Variants in CNOT1 observed in about 807,000 individuals in gnomAD.
CNOT1 encodes the protein CCR4-NOT transcription complex subunit 1, also known as CCR4-associated factor 1.
CNOT1 carries 15 observed loss-of-function variants against 273.8 expected under a neutral mutation model. The ratio of observed to expected loss-of-function variants is 0.05; its 90% CI spans 0.04 to 0.08. The LOEUF (loss-of-function observed/expected upper bound fraction) is 0.08, where lower values mean the gene tolerates loss of function less well. CNOT1 is among the 10% of genes least tolerant of loss of function. The pLI is 1.00. For synonymous variants in CNOT1, 1,022 were observed against 1,005.5 expected (o/e 1.02, Z -0.31); for missense variants, 1,644 against 2,912.2 (o/e 0.56, Z 10.02).
rs762660744 is a variant in CNOT1 at position 58,530,298 on chromosome 16, G to A, written c.6227C>T (p.Ala2076Val). The A allele has an allele frequency of 1.9e-6, 3 of 1,611,944 alleles. No individual in the cohort carries two copies. The highest frequency in any genetic ancestry group is 1.7e-5 in the Admixed American group (1 of 59,998). ...QLLIDLFKYL[A>V]PFLRNVELTK... Reference sequence around the variant, plus strand: ...GAGTTCCACATTTCTAAGGAAAGGCGCTAAATATTTGAATAAATCAATCAG... The same window carrying A: ...GAGTTCCACATTTCTAAGGAAAGGCACTAAATATTTGAATAAATCAATCAG... The change falls in exon 43 of 49, where the codon GCG becomes GTG. Residue 2076 changes from alanine to valine, a missense_variant. By Grantham distance (64) the Ala-to-Val change is moderately conservative. Coordinates refer to ENST00000317147, the MANE Select transcript of CNOT1 (RefSeq NM_016284.5).
intron 39 of CNOT1, among the ~76,000 whole-genome samples, chr16:58,536,303 G>A (rs559401102): frequency 9.9e-5 from 15 of 152,250 alleles, no homozygotes; most frequent in Non-Finnish European, 1.2e-4. Context: ...TTATAAATTA[G>A]GACACATGGA....
chr16:58,574,896 T>C, intron 15 of CNOT1, 111 bp downstream of exon 15: 7 of 1,558,348 alleles, frequency 4.5e-6, no homozygotes, highest in Non-Finnish European at 6.0e-6. Flanking sequence ...GTTGTTTCTT[T>C]CAAATTTTTC....
At chr16:58,544,353 A>G (rs565019296) in intron 30 of CNOT1, among the ~76,000 whole-genome samples, 1 of 152,212 alleles carries the variant, frequency 6.6e-6, no homozygotes, top group Non-Finnish European at 1.5e-5. Flanking sequence ...TGCCCACTGA[A>G]GTATTTGGCT....
intron 1 of CNOT1, among the ~76,000 whole-genome samples, chr16:58,604,029 G>A (rs982220717): frequency 3.9e-5 from 6 of 151,996 alleles, no homozygotes; most frequent in Non-Finnish European, 8.8e-5. Context: ...TTGAAGCTTA[G>A]GATTTTGTAA....
At chr16:58,621,762 A>AT (rs2043326756) in intron 1 of CNOT1, among the ~76,000 whole-genome samples, 1 of 143,684 alleles carries the variant, frequency 7.0e-6, no homozygotes, top group Non-Finnish European at 1.5e-5. Context: ...ACCAAAAAAT[A>AT]CAAAAAACAA....
chr16:58,622,014 A>G (rs1427651325), intron 1 of CNOT1, among the ~76,000 whole-genome samples: 1 of 150,008 alleles, frequency 6.7e-6, no homozygotes, highest in Non-Finnish European at 1.5e-5. Flanking sequence ...AGATTCATCA[A>G]TTGTAAGAAA....
intron 1 of CNOT1, among the ~76,000 whole-genome samples, chr16:58,627,243 T>C (rs1003428359): frequency 5.3e-5 from 8 of 151,410 alleles, no homozygotes; most frequent in African/African-American, 1.9e-4. Context: ...CCTGTCTCTA[T>C]TAAAATACAA....
At chr16:58,562,360 C>A (rs914587981) in intron 16 of CNOT1, among the ~76,000 whole-genome samples, 1 of 151,612 alleles carries the variant, frequency 6.6e-6, no homozygotes, top group Admixed American at 6.6e-5. Context: ...AAAAATTAGC[C>A]AGGTGTGGTG....
chr16:58,577,828 A>G (rs2041511903), intron 13 of CNOT1, among the ~76,000 whole-genome samples: 1 of 151,052 alleles, frequency 6.6e-6, no homozygotes, highest in Non-Finnish European at 1.5e-5. Flanking sequence ...TGACAGGGCA[A>G]GCAAGATCCT....
chr16:58,611,435 A>G (rs2042895574), intron 1 of CNOT1, among the ~76,000 whole-genome samples: 1 of 151,916 alleles, frequency 6.6e-6, no homozygotes, highest in Non-Finnish European at 1.5e-5. Flanking sequence ...TCTCCAAAAA[A>G]AATAAATAAA....
chr16:58,565,188 G>GCTCTGC (rs551150583), intron 16 of CNOT1, among the ~76,000 whole-genome samples: 123 of 152,154 alleles, frequency 8.1e-4, no homozygotes, highest in African/African-American at 2.3e-3. Flanking sequence ...TACAATTATG[G>GCTCTGC]CTCTGCCTCT....
intron 1 of CNOT1, among the ~76,000 whole-genome samples, chr16:58,604,200 T>C (rs1235834833): frequency 6.6e-6 from 1 of 152,216 alleles, no homozygotes; most frequent in Non-Finnish European, 1.5e-5. Context: ...CACTATAATG[T>C]GTATACAGAG....
At chr16:58,617,483 GCA>G (rs1430348001) in intron 1 of CNOT1, among the ~76,000 whole-genome samples, 2 of 152,120 alleles carry the variant, frequency 1.3e-5, no homozygotes, top group African/African-American at 4.8e-5. Context: ...AATGTTTTGA[GCA>G]CAAACATGAC....
At position 58,576,529 on chromosome 16, in the gene CNOT1, G is replaced by A; in HGVS notation, c.1638C>T (p.Tyr546=). 3 of 1,614,174 alleles carry A rather than the reference G, an allele frequency of 1.9e-6. No individual in the cohort carries two copies. Among genetic ancestry groups the A allele is most frequent in the Non-Finnish European group, 2.5e-6 (3 of 1,180,030 alleles). Residue 546 remains tyrosine (Y), a synonymous_variant, in exon 14 of 49, where the codon TAC becomes TAT. Transcript: ENST00000317147. ...CCTGATCATACTGCTCCCCTCTCATGTACCATTCTGCCATTGCATGCATGA... is the reference window on the plus strand; with the variant it reads ...CCTGATCATACTGCTCCCCTCTCATATACCATTCTGCCATTGCATGCATGA... ...QLIMHAMAEW[Y]MRGEQYDQAK...
chr16:58,546,294 C>A (rs758451797), intron 29 of CNOT1, 27 bp downstream of exon 29: 1 of 1,587,250 alleles, frequency 6.3e-7, no homozygotes, highest in Non-Finnish European at 8.6e-7. Flanking sequence ...CTAACAGAAG[C>A]CTTCCTTGAC....
At chr16:58,563,330 A>T (rs148068348) in intron 16 of CNOT1, among the ~76,000 whole-genome samples, 5 of 152,176 alleles carry the variant, frequency 3.3e-5, no homozygotes, top group Non-Finnish European at 7.3e-5. Flanking sequence ...GCTTAGGAGG[A>T]ATAGGCCATA....
chr16:58,557,739 A>T (rs1466362470), intron 18 of CNOT1, among the ~76,000 whole-genome samples: 5 of 152,260 alleles, frequency 3.3e-5, no homozygotes, highest in African/African-American at 1.2e-4. Context: ...CTGTAATCCC[A>T]GCACTTTGGG....
chr16:58,607,508 C>T (rs2042721121), intron 1 of CNOT1, among the ~76,000 whole-genome samples: 2 of 151,860 alleles, frequency 1.3e-5, no homozygotes, highest in African/African-American at 4.8e-5. Flanking sequence ...CAGGCATTCA[C>T]CTGAGGTCAG....
In CNOT1 at chr16:58,520,394, G is replaced by A. The variant is rs1312536765; in HGVS notation, c.*564C>T. ...GAATACGTTTGGGTAGAGACAAAAT[G>A]GAAACTCATGGGATTCCAATAGTGA... On this transcript the variant is annotated 3_prime_UTR_variant, in exon 49 of 49. Coordinates refer to ENST00000317147, the MANE Select transcript of CNOT1 (RefSeq NM_016284.5). The A allele has an allele frequency of 6.5e-6, 1 of 154,170 alleles. No individual in the cohort carries two copies. Among genetic ancestry groups the A allele is most frequent in the African/African-American group, 2.4e-5 (1 of 41,422 alleles). 9.6% of individuals were successfully genotyped at this position (154,170 alleles called of 1,614,324 possible). A position where few individuals can be genotyped will look rare whatever the true frequency, so the allele number is the denominator to read the frequency against.
Sources: gnomAD v4.1 joint callset for allele counts (sites outside exome capture counted in the v4.1 genomes callset) on GRCh38, gnomAD v4.1.1 for gene constraint, MANE v1.5 for transcripts, NCBI Gene and HGNC (gene_info 2026-07-23, HGNC 2026-07-21) for gene names.